RBFOX1: variants seen among roughly 807,000 people sequenced by gnomAD.
RBFOX1 encodes the protein RNA binding fox-1 homolog 1.
RBFOX1 carries 8 observed loss-of-function variants against 57.7 expected under a neutral mutation model. The observed-to-expected ratio is 0.14, with a 90% CI of 0.08 to 0.25. The LOEUF (loss-of-function observed/expected upper bound fraction) is 0.25. Ranked by LOEUF, RBFOX1 falls within the 10% of genes least tolerant of loss-of-function variation. RBFOX1 has a pLI of 1.00. For missense variants in RBFOX1, 611 were observed against 548.5 expected, an observed-to-expected ratio of 1.11 and a Z score of -1.14; for synonymous variants, 326 against 222.4, an observed-to-expected ratio of 1.47 and a Z score of -4.15.
intron 4 of RBFOX1, among the ~76,000 whole-genome samples, chr16:5,911,228 C>A (rs1170999557): frequency 6.6e-6 from 1 of 152,142 alleles, no homozygotes; most frequent in South Asian, 2.1e-4. Flanking sequence ...CTAGGGCCTC[C>A]CACTTGAGGT....
intron 1 of RBFOX1, among the ~76,000 whole-genome samples, chr16:6,146,489 C>A (rs755403240): frequency 6.6e-6 from 1 of 152,006 alleles, no homozygotes; most frequent in Non-Finnish European, 1.5e-5. Context: ...CTGGTAAAAC[C>A]CCCTCTAGTT....
intron 1 of RBFOX1, among the ~76,000 whole-genome samples, chr16:6,288,513 G>A (rs1488473558): frequency 1.3e-5 from 2 of 152,110 alleles, no homozygotes; most frequent in Non-Finnish European, 2.9e-5. Context: ...ATGATTTTGT[G>A]ACAAACCACA....
At chr16:7,554,706 C>T (rs1255812616) in intron 5 of RBFOX1, among the ~76,000 whole-genome samples, 1 of 151,592 alleles carries the variant, frequency 6.6e-6, no homozygotes, top group Non-Finnish European at 1.5e-5. Context: ...CTTAACTATT[C>T]CCAATTTGGA....
intron 3 of RBFOX1, among the ~76,000 whole-genome samples, chr16:5,856,589 ATATATATATATATAT>A (rs1567632411): frequency 2.5e-5 from 2 of 80,380 alleles, no homozygotes; most frequent in East Asian, 3.8e-4. Flanking sequence ...ATATATATAT[ATATATATATATATAT>A]AATCTTAGCC....
chr16:6,556,724 G>A (rs568228977), intron 2 of RBFOX1, among the ~76,000 whole-genome samples: 1 of 152,236 alleles, frequency 6.6e-6, no homozygotes, highest in South Asian at 2.1e-4. Context: ...ATCTGCCGTA[G>A]AAATTTGCAT....
At chr16:6,603,310 G>C (rs1567843588) in intron 2 of RBFOX1, among the ~76,000 whole-genome samples, 1 of 152,192 alleles carries the variant, frequency 6.6e-6, no homozygotes, top group African/African-American at 2.4e-5. Flanking sequence ...ATTTTTTCAA[G>C]AGAACCTGGC....
chr16:7,650,448 C>T (rs2064796198), intron 11 of RBFOX1, among the ~76,000 whole-genome samples: 1 of 152,022 alleles, frequency 6.6e-6, no homozygotes, highest in Non-Finnish European at 1.5e-5. Context: ...TTGGGAGAGC[C>T]CAAAGAACCT....
At chr16:7,247,810 T>C (rs1488467234) in intron 4 of RBFOX1, among the ~76,000 whole-genome samples, 1 of 152,172 alleles carries the variant, frequency 6.6e-6, no homozygotes, top group Non-Finnish European at 1.5e-5. Context: ...ACACTGCATG[T>C]TCTCACTTAT....
chr16:6,292,163 G>C (rs539469266), intron 1 of RBFOX1, among the ~76,000 whole-genome samples: 2 of 152,304 alleles, frequency 1.3e-5, no homozygotes, highest in Admixed American at 6.5e-5. Context: ...GGGAGGATGA[G>C]TTGGGAGGAC....
At chr16:6,123,297 T>A (rs1289442652) in intron 1 of RBFOX1, among the ~76,000 whole-genome samples, 1 of 152,238 alleles carries the variant, frequency 6.6e-6, no homozygotes, top group Non-Finnish European at 1.5e-5. Context: ...GTGGTACATA[T>A]ATACAGTGGA....
chr16:7,042,228 C>G (rs1321364588), intron 3 of RBFOX1, among the ~76,000 whole-genome samples: 1 of 152,166 alleles, frequency 6.6e-6, no homozygotes, highest in Non-Finnish European at 1.5e-5. Flanking sequence ...AGCATCTTGT[C>G]AGGGCACAGT....
intron 2 of RBFOX1, among the ~76,000 whole-genome samples, chr16:6,390,093 G>C (rs1485817086): frequency 6.6e-6 from 1 of 152,208 alleles, no homozygotes; most frequent in African/African-American, 2.4e-5. Flanking sequence ...GCTGAAAGCC[G>C]TGTCTGCACT....
intron 1 of RBFOX1, among the ~76,000 whole-genome samples, chr16:5,259,301 A>G (rs1332344537): frequency 6.6e-6 from 1 of 152,074 alleles, no homozygotes; most frequent in East Asian, 1.9e-4. Flanking sequence ...GCTCACTCCC[A>G]GACAGTTTGA....
chr16:7,698,696 GATTT>G (rs1420299700), intron 14 of RBFOX1, among the ~76,000 whole-genome samples: 1 of 152,104 alleles, frequency 6.6e-6, no homozygotes, highest in African/African-American at 2.4e-5. Flanking sequence ...GCAGTAAATT[GATTT>G]GTGGCTAATT....
chr16:6,121,539 G>A (rs543170101), intron 1 of RBFOX1, among the ~76,000 whole-genome samples: 2 of 152,250 alleles, frequency 1.3e-5, no homozygotes, highest in Admixed American at 6.5e-5. Flanking sequence ...TTTTGTTTTT[G>A]CTGTGTCTGA....
At chr16:6,043,471 G>C (rs760691494) in intron 1 of RBFOX1, among the ~76,000 whole-genome samples, 4 of 152,120 alleles carry the variant, frequency 2.6e-5, no homozygotes, top group Non-Finnish European at 5.9e-5. Flanking sequence ...GTTGGAATTG[G>C]GTATCTTATT....
At chr16:5,870,498 G>T (rs896149819) in intron 4 of RBFOX1, among the ~76,000 whole-genome samples, 8 of 151,948 alleles carry the variant, frequency 5.3e-5, no homozygotes, top group African/African-American at 1.9e-4. Context: ...GTGAGATGAA[G>T]GGAATTAGGA....
intron 4 of RBFOX1, among the ~76,000 whole-genome samples, chr16:7,054,715 C>T (rs1411282115): frequency 6.6e-6 from 1 of 152,162 alleles, no homozygotes; most frequent in African/African-American, 2.4e-5. Flanking sequence ...TAACTGTCTG[C>T]AAGCCACAAT....
At chr16:7,626,924 C>T (rs1453261799) in intron 10 of RBFOX1, among the ~76,000 whole-genome samples, 1 of 152,104 alleles carries the variant, frequency 6.6e-6, no homozygotes, top group Non-Finnish European at 1.5e-5. Context: ...GGCTCTACCG[C>T]AGGTGGATTT....
Sources: gnomAD v4.1 joint callset for allele counts (sites outside exome capture counted in the v4.1 genomes callset) on GRCh38, gnomAD v4.1.1 for gene constraint, MANE v1.5 for transcripts, NCBI Gene and HGNC (gene_info 2026-07-23, HGNC 2026-07-21) for gene names.